The following SRFBP1 variants were observed in gnomAD, a reference collection of about 807,000 sequenced individuals.
SRFBP1 encodes the protein serum response factor binding protein 1.
In SRFBP1, 47 loss-of-function variants were observed where a neutral mutation model predicts 45.5. That is an observed-to-expected ratio of 1.03 (90% confidence interval 0.82 to 1.32). SRFBP1 has a LOEUF of 1.32. Ranked by LOEUF, SRFBP1 falls within the 40% of genes most tolerant of loss-of-function variation. The probability of loss-of-function intolerance (pLI) is 0.00; values close to 1 mark genes in which losing one functional copy is unlikely to be tolerated. For synonymous variants in SRFBP1, 203 were observed against 166.3 expected (o/e 1.22, Z -1.70); for missense variants, 621 against 484.6 (o/e 1.28, Z -2.64).
intron 2 of SRFBP1, chr5:122,070,805 A>C (rs1754428496): frequency 2.8e-6 from 1 of 359,986 alleles, no homozygotes; most frequent in Admixed American, 4.3e-5. Flanking sequence ...GTAGTAGTAC[A>C]CCTCACTTCT....
At chr5:122,056,167 T>C (rs1470324637) in intron 2 of SRFBP1, among the ~76,000 whole-genome samples, 1 of 151,290 alleles carries the variant, frequency 6.6e-6, no homozygotes, top group South Asian at 2.1e-4. Context: ...TCTCTCTTTT[T>C]CCCAGTTTTA....
intron 2 of SRFBP1, chr5:122,063,676 A>G (rs1213381216): frequency 6.6e-6 from 1 of 151,948 alleles, no homozygotes; most frequent in Non-Finnish European, 1.5e-5. Context: ...TTTAGTTATC[A>G]GTTAATACAC....
intron 6 of SRFBP1, among the ~76,000 whole-genome samples, chr5:122,021,732 A>AGTG (rs1753326941): frequency 7.8e-6 from 1 of 127,648 alleles, no homozygotes; most frequent in African/African-American, 3.1e-5. Context: ...GCTGGAGTGC[A>AGTG]GTGGTGTGAT....
intron 3 of SRFBP1, among the ~76,000 whole-genome samples, chr5:121,988,280 T>G (rs1190267520): frequency 6.6e-6 from 1 of 152,292 alleles, no homozygotes; most frequent in East Asian, 1.9e-4. Flanking sequence ...TCTTAAAGTT[T>G]CTTGGGTCAT....
chr5:121,983,529 TA>T (rs1752455260), intron 3 of SRFBP1, among the ~76,000 whole-genome samples: 1 of 151,842 alleles, frequency 6.6e-6, no homozygotes, highest in African/African-American at 2.4e-5. Context: ...GACTGTATGG[TA>T]AAACTTCATT....
rs369012806 is a variant in SRFBP1, at chr5:122,020,093, G to A, written c.358G>A (p.Val120Ile). 6.4e-7 allele frequency: 1 copy of A among 1,558,040 alleles called. No homozygotes were observed. The highest frequency in any genetic ancestry group is 8.6e-7 in the Non-Finnish European group (1 of 1,156,110). Reference protein sequence around the residue: ...KKKIDVLKAAVQAFKEARQNV... With the variant: ...KKKIDVLKAAIQAFKEARQNV... ...ATGCACTGTTTCTCTTGCAGCTGCT[G>A]TACAAGCCTTTAAAGAAGCAAGACA... Residue 120 changes from valine (V) to isoleucine (I), a missense_variant, in exon 6 of 8, where the codon GTA becomes ATA. By Grantham distance (29) the Val-to-Ile change is conservative. Coordinates refer to ENST00000339397, the MANE Select transcript of SRFBP1 (RefSeq NM_152546.3).
intron 4 of SRFBP1, among the ~76,000 whole-genome samples, chr5:122,007,244 A>ACAGTCT (rs1752996325): frequency 6.6e-6 from 1 of 151,940 alleles, no homozygotes; most frequent in Non-Finnish European, 1.5e-5. Context: ...GGCTGGAGAC[A>ACAGTCT]CAGTCTACAC....
downstream of SRFBP1, among the ~76,000 whole-genome samples, chr5:122,032,078 G>A (rs1450283549): frequency 6.6e-6 from 1 of 152,084 alleles, no homozygotes; most frequent in Non-Finnish European, 1.5e-5. Flanking sequence ...TGAATATACA[G>A]GATCCACTGA....
At position 122,056,905 on chromosome 5, in the gene SRFBP1, C is replaced by T. The variant is rs551586474; in HGVS notation, n.312-18410C>T. Among the ~76,000 whole-genome samples, 12 of 152,192 alleles carry T rather than the reference C, an allele frequency of 7.9e-5. No individual in the cohort carries two copies. In the East Asian group the frequency reaches 2.3e-3, roughly 29 times the overall value. Reference sequence around the variant, plus strand: ...TCTAGAATAGCCAGAGGAAAGAATACATGAAAATCAATGGGATATGAAACC... The same window carrying T: ...TCTAGAATAGCCAGAGGAAAGAATATATGAAAATCAATGGGATATGAAACC... On this transcript the variant is annotated intron_variant and non_coding_transcript_variant, in intron 2 of 2. Coordinates refer to the SRFBP1 transcript ENST00000504881.
At chr5:122,051,510 C>G (rs1022611661) in intron 2 of SRFBP1, among the ~76,000 whole-genome samples, 2 of 150,904 alleles carry the variant, frequency 1.3e-5, no homozygotes, top group African/African-American at 4.9e-5. Context: ...ATGCAATACC[C>G]TTCTTTATCT....
intron 3 of SRFBP1, among the ~76,000 whole-genome samples, chr5:121,978,626 G>C (rs551401975): frequency 1.3e-5 from 2 of 152,166 alleles, no homozygotes; most frequent in South Asian, 4.2e-4. Flanking sequence ...TGAGTAACTG[G>C]GACTACAGTT....
At chr5:121,994,456 C>G in intron 3 of SRFBP1, 143 bp from the exon 4 acceptor site, 1 of 612,988 alleles carries the variant, frequency 1.6e-6, no homozygotes, top group Admixed American at 3.4e-5. Context: ...CCTTTCAACT[C>G]TGTCATATTT....
chr5:121,995,158 G>A (rs1752695966), intron 4 of SRFBP1, among the ~76,000 whole-genome samples: 1 of 151,410 alleles, frequency 6.6e-6, no homozygotes, highest in South Asian at 2.1e-4. Context: ...TCTGCACCAA[G>A]CGGACCTAAT....
intron 6 of SRFBP1, 118 bp from the exon 7 acceptor site, chr5:122,022,252 G>A: frequency 1.4e-6 from 1 of 718,036 alleles, no homozygotes; most frequent in Non-Finnish European, 2.3e-6. Context: ...GTTTGCTGGT[G>A]TGACTAAGGA....
intron 2 of SRFBP1, among the ~76,000 whole-genome samples, chr5:122,044,291 G>A (rs1277083287): frequency 1.3e-5 from 2 of 152,162 alleles, no homozygotes; most frequent in African/African-American, 2.4e-5. Flanking sequence ...TTGCTATTGT[G>A]AATAGGGCTG....
downstream of SRFBP1, among the ~76,000 whole-genome samples, chr5:122,031,002 A>G (rs991788745): frequency 5.3e-5 from 8 of 152,146 alleles, no homozygotes; most frequent in South Asian, 6.2e-4. Context: ...ACTCTCACCA[A>G]TGGCTGACCT....
At chr5:122,057,783 A>G (rs1273162102) in intron 2 of SRFBP1, among the ~76,000 whole-genome samples, 1 of 152,140 alleles carries the variant, frequency 6.6e-6, no homozygotes, top group Non-Finnish European at 1.5e-5. Flanking sequence ...GACTCAAGCA[A>G]TCCTCCCATC....
chr5:122,076,789 T>C, downstream of SRFBP1: 1 of 952,754 alleles, frequency 1.0e-6, no homozygotes, highest in South Asian at 1.4e-5. Flanking sequence ...CTTGTCCCAC[T>C]TCCTAACACT....
chr5:121,979,077 G>T (rs970080488), intron 3 of SRFBP1, among the ~76,000 whole-genome samples: 6 of 152,106 alleles, frequency 3.9e-5, no homozygotes, highest in Non-Finnish European at 7.4e-5. Context: ...GTCATTAGGA[G>T]ATCACAAATA....
Sources: allele counts gnomAD v4.1 joint callset (sites outside exome capture counted in the v4.1 genomes callset), GRCh38; gene constraint gnomAD v4.1.1; transcripts MANE v1.5; gene names NCBI Gene and HGNC (gene_info 2026-07-23, HGNC 2026-07-21).